The following OGT variants were observed in gnomAD, a reference collection of about 807,000 sequenced individuals.
OGT encodes UDP-N-acetylglucosamine--peptide N-acetylglucosaminyltransferase 110 kDa subunit.
A neutral mutation model predicts 75.8 loss-of-function variants in OGT; 3 were observed. That is an observed-to-expected ratio of 0.04 (90% confidence interval 0.02 to 0.10). OGT has a LOEUF of 0.10. Among genes scored for constraint, OGT ranks in the 10% least tolerant of loss-of-function variants. The pLI is 1.00. For missense variants in OGT, 260 were observed against 824.4 expected, an observed-to-expected ratio of 0.32 and a Z score of 8.38; for synonymous variants, 257 against 289.7, an observed-to-expected ratio of 0.89 and a Z score of 1.15.
intron 1 of OGT, 26 bp downstream of exon 1, chrX:71,533,362 C>T (rs749782946): frequency 8.5e-7 from 1 of 1,175,138 alleles, no homozygotes. Context: ...TCTACCTTGG[C>T]AGATGCCCCC....
chrX:71,572,520 C>T (rs888374577), intron 21 of OGT, among the ~76,000 whole-genome samples: 1 of 112,226 alleles, frequency 8.9e-6, no homozygotes. Context: ...ATAATCCCGG[C>T]GCTTTAAGAG....
At chrX:71,555,453 G>GGCT (rs1327557565) in intron 7 of OGT, 68 bp downstream of exon 7, 1 of 996,236 alleles carries the variant, frequency 1.0e-6, no homozygotes, top group Non-Finnish European at 1.4e-6. Flanking sequence ...CAGGTGTGGT[G>GGCT]GCTCACACTT....
chrX:71,549,040 C>T (rs924778158), intron 5 of OGT, among the ~76,000 whole-genome samples: 2 of 110,141 alleles, frequency 1.8e-5, no homozygotes, highest in African/African-American at 6.6e-5. Flanking sequence ...TGTGATAGCT[C>T]ACATCTGTGA....
intron 2 of OGT, among the ~76,000 whole-genome samples, chrX:71,537,523 G>T (rs1346573039): frequency 9.1e-6 from 1 of 109,545 alleles, no homozygotes; most frequent in African/African-American, 3.3e-5. Context: ...GGCTGGTCTC[G>T]AACACCTGAC....
At chrX:71,544,089 T>TA (rs1372040091) in intron 3 of OGT, among the ~76,000 whole-genome samples, 4 of 110,534 alleles carry the variant, frequency 3.6e-5, no homozygotes, top group African/African-American at 1.3e-4. Flanking sequence ...CCCGGCCTGA[T>TA]ATATATATTT....
At chrX:71,544,833 C>T (rs901935531) in intron 4 of OGT, 198 bp downstream of exon 4, 1 of 411,305 alleles carries the variant, frequency 2.4e-6, no homozygotes, top group Non-Finnish European at 4.2e-6. Flanking sequence ...AAAGCAAGAA[C>T]CTGAACATTT....
chrX:71,552,079 C>T (rs1399652262), intron 5 of OGT, among the ~76,000 whole-genome samples: 1 of 107,721 alleles, frequency 9.3e-6, no homozygotes, highest in African/African-American at 3.4e-5. Context: ...CAGCTGGGTG[C>T]GGTGCGGTGG....
chrX:71,573,737 A>G lies in OGT; in HGVS notation c.3084A>G (p.Ala1028=). ...RLYLQMWEHY[A]AGNKPDHMIK... ...ATCTACAGATGTGGGAGCATTATGC[A>G]GCTGGCAACAAACCTGACCACATGA... The change falls in exon 22 of 22, where the codon GCA becomes GCG. Residue 1028 remains alanine (A), a synonymous_variant. Transcript: ENST00000373719. The G allele has an allele frequency of 8.3e-7, 1 of 1,210,062 alleles. No homozygotes were observed.
chrX:71,557,962 CT>C (rs1305990004), intron 12 of OGT, among the ~76,000 whole-genome samples: 6 of 103,319 alleles, frequency 5.8e-5, no homozygotes, highest in African/African-American at 3.5e-5. Context: ...TCTTTTTTTT[CT>C]TTTTTTTTTG....
chrX:71,554,070 A>G, intron 5 of OGT, among the ~76,000 whole-genome samples: 1 of 112,099 alleles, frequency 8.9e-6, no homozygotes, highest in East Asian at 2.8e-4. Flanking sequence ...CTTACTGTGT[A>G]TACAGCTCTA....
chrX:71,551,647 A>T (rs4844296), intron 5 of OGT, among the ~76,000 whole-genome samples: 28,295 of 111,135 alleles, frequency 0.25, 3,672 homozygotes, highest in African/African-American at 0.47. Context: ...ATAAAAAAAA[A>T]GTTAAAGCAT....
rs756553445 is a variant in OGT at position 71,561,764 on chromosome X, G to A, written c.1852-11G>A. 30 of 1,178,042 alleles carry A rather than the reference G, an allele frequency of 2.5e-5. No homozygotes were observed. Among genetic ancestry groups the A allele is most frequent in the Non-Finnish European group, 3.4e-5 (30 of 878,201 alleles). On this transcript the variant is annotated splice_polypyrimidine_tract_variant and intron_variant, in intron 14 of 21. Transcript: ENST00000373719. ...ATTATACATAGTGAGTTCTTATTTT[G>A]TATTCTGTAGATTCCATGCAATGGA...
At chrX:71,555,131 ATTTTG>A in intron 6 of OGT, 54 bp from the exon 7 acceptor site, 1 of 711,944 alleles carries the variant, frequency 1.4e-6, no homozygotes, top group Non-Finnish European at 1.9e-6. Context: ...CATGAGTTAC[ATTTTG>A]TGTGTGTGTG....
At chrX:71,553,050 G>A (rs940366344) in intron 5 of OGT, among the ~76,000 whole-genome samples, 2 of 112,058 alleles carry the variant, frequency 1.8e-5, no homozygotes, top group African/African-American at 3.2e-5. Context: ...GCATCATGCC[G>A]TGTTTACTAC....
intron 1 of OGT, among the ~76,000 whole-genome samples, chrX:71,535,161 C>T (rs1186599338): frequency 9.6e-6 from 1 of 104,070 alleles, no homozygotes. Flanking sequence ...TGGGCTTTAG[C>T]TATATCCTTT....
chrX:71,572,333 C>T lies in OGT; in HGVS notation c.2967-1287C>T, dbSNP rs1315078688. ...AGTATTTCACTGTATGAATGCACTA[C>T]AGTTTATTTTCCTATTGGCATAGAA... On this transcript the variant is annotated intron_variant, in intron 21 of 21. Transcript: ENST00000373719. Among the ~76,000 whole-genome samples, 3 of 112,416 alleles carry T rather than the reference C, an allele frequency of 2.7e-5. No individual in the cohort carries two copies. In the East Asian group the frequency reaches 8.2e-4, roughly 31 times the overall value.
rs12013063 is a variant in OGT, at chrX:71,541,765, A to T, written c.463-2802A>T. Among the ~76,000 whole-genome samples, 801 of 109,138 alleles carry T rather than the reference A, an allele frequency of 7.3e-3. 9 individuals carry two copies. Among genetic ancestry groups the T allele is most frequent in the African/African-American group, 0.026 (768 of 29,797 alleles). The allele number at this position is 109,138 out of a possible 115,157, so 94.8% of individuals were successfully genotyped here. A position where few individuals can be genotyped will look rare whatever the true frequency, so the allele number is the denominator to read the frequency against. On this transcript the variant is annotated intron_variant, in intron 3 of 21. Coordinates refer to ENST00000373719, the MANE Select transcript of OGT (RefSeq NM_181672.3). ...CAATTGAGAATTACTGTAGGTTTTT[A>T]TCGACCTGATTTTACTTCATATGTA...
intron 8 of OGT, 137 bp downstream of exon 8, chrX:71,556,231 G>A: frequency 1.1e-5 from 7 of 663,013 alleles, no homozygotes; most frequent in Non-Finnish European, 1.1e-5. Flanking sequence ...TAACAATTGA[G>A]TACCTAAGGT....
intron 5 of OGT, among the ~76,000 whole-genome samples, chrX:71,552,711 CT>C (rs763506860): frequency 4.8e-3 from 438 of 90,632 alleles, no homozygotes; most frequent in African/African-American, 0.011. Context: ...GAATTGCTGT[CT>C]TTTTTTTTTT....
Sources: allele counts gnomAD v4.1 joint callset (sites outside exome capture counted in the v4.1 genomes callset), GRCh38; gene constraint gnomAD v4.1.1; transcripts MANE v1.5; gene names NCBI Gene and HGNC (gene_info 2026-07-23, HGNC 2026-07-21).